Variants in PKD1L3 observed in about 807,000 individuals in gnomAD.
The protein encoded by PKD1L3 is polycystin 1 like 3, transient receptor potential channel interacting, also known as polycystin-1-like protein 3.
Under a neutral mutation model 184.1 loss-of-function variants are expected in PKD1L3, and 239 were observed. The observed-to-expected ratio is 1.30, with a 90% CI of 1.17 to 1.45. The LOEUF is 1.45. Ranked by LOEUF, PKD1L3 falls within the 40% of genes most tolerant of loss-of-function variation. PKD1L3 has a pLI of 0.00. For synonymous variants in PKD1L3, 996 were observed against 778.8 expected, an observed-to-expected ratio of 1.28 and a Z score of -4.64; for missense variants, 2,660 against 2,067.2, an observed-to-expected ratio of 1.29 and a Z score of -5.56.
At chr16:71,998,641 G>A (rs1285854433) in intron 1 of PKD1L3, among the ~76,000 whole-genome samples, 2 of 151,982 alleles carry the variant, frequency 1.3e-5, no homozygotes, top group Non-Finnish European at 2.9e-5. Context: ...AGTAGAGATG[G>A]GGTTTCACCA....
At chr16:71,999,139 C>T (rs936279444) in intron 1 of PKD1L3, among the ~76,000 whole-genome samples, 5 of 151,794 alleles carry the variant, frequency 3.3e-5, no homozygotes, top group African/African-American at 1.2e-4. Flanking sequence ...GGCGTGGTGG[C>T]GGCCACCTGT....
chr16:71,967,035 T>A, intron 15 of PKD1L3, 102 bp downstream of exon 15: 4 of 1,269,774 alleles, frequency 3.2e-6, no homozygotes, highest in Non-Finnish European at 4.3e-6. Context: ...CATTTGTTAC[T>A]ATTTGGCTCA....
Position 71,934,434 on chromosome 16 carries a change from G to C in PKD1L3, c.4614-309C>G, listed in dbSNP as rs557637658. 2.9e-3 allele frequency among the ~76,000 whole-genome samples: 439 copies of C among 152,264 alleles called. 2 individuals are homozygous for C. The highest frequency in any genetic ancestry group is 0.01 in the African/African-American group (420 of 41,554). ...TCCTGGGAAGCAAAACCAGCCTCCT[G>C]CACTGCTCTGAGCCAAATCTCTCCT... is the stretch of plus-strand genomic sequence containing the variant. On this transcript the variant is annotated intron_variant, in intron 26 of 29. Transcript: ENST00000620267.
At chr16:71,977,503 A>T (rs1258666486) in intron 10 of PKD1L3, 36 bp from the exon 11 acceptor site, 9 of 1,441,134 alleles carry the variant, frequency 6.2e-6, no homozygotes, top group Non-Finnish European at 7.6e-6. Flanking sequence ...ATAATGGTCC[A>T]TCCATTGATG....
At chr16:71,942,142 C>T (rs959985326) in intron 24 of PKD1L3, among the ~76,000 whole-genome samples, 3 of 151,476 alleles carry the variant, frequency 2.0e-5, no homozygotes, top group Admixed American at 2.0e-4. Flanking sequence ...TGGCGAAACC[C>T]CATAAAATAT....
At chr16:71,966,854 A>AT (rs1284220228) in intron 15 of PKD1L3, among the ~76,000 whole-genome samples, 1 of 152,146 alleles carries the variant, frequency 6.6e-6, no homozygotes, top group Non-Finnish European at 1.5e-5. Flanking sequence ...TTCAGGCAAT[A>AT]TTTCATTGGT....
intron 3 of PKD1L3, 69 bp from the exon 4 acceptor site, chr16:71,990,398 G>C (rs765945885): frequency 7.6e-7 from 1 of 1,311,824 alleles, no homozygotes; most frequent in African/African-American, 1.5e-5. Flanking sequence ...TTTACTTGAG[G>C]ACTTCTTATT....
At position 71,949,967 on chromosome 16, in the gene PKD1L3, AT is replaced by A. The variant is rs1228978011; in HGVS notation, c.3433del (p.Ile1145SerfsTer9). 6.4e-7 allele frequency: 1 copy of A among 1,551,606 alleles called. No homozygotes were observed. Among genetic ancestry groups the A allele is most frequent in the South Asian group, 1.2e-5 (1 of 84,056 alleles). On this transcript the variant is annotated frameshift_variant, in exon 21 of 30. Transcript: ENST00000620267. LOFTEE classifies it high-confidence loss of function. ...CAACCATTTGGACAGGCCATTTGAG[AT>A]GGGCTTTTTTCCTTCTTCTGAGCTC... ...ILSSEEGKKPISNGLSKWLTS... is the reference protein window; with the variant it reads ...ILSSEEGKKPXSNGLSKWLTS...
chr16:71,948,392 T>C (rs565051609), intron 21 of PKD1L3, among the ~76,000 whole-genome samples: 3 of 152,166 alleles, frequency 2.0e-5, no homozygotes, highest in Non-Finnish European at 4.4e-5. Context: ...CTGGGATTTT[T>C]GTATTCTTAA....
intron 6 of PKD1L3, among the ~76,000 whole-genome samples, chr16:71,983,481 A>G (rs570365013): frequency 2.0e-4 from 30 of 152,244 alleles, no homozygotes; most frequent in Admixed American, 1.8e-3. Context: ...TGCATCAGCA[A>G]GGCAGTACCA....
Position 71,929,626 on chromosome 16 carries a change from C to A in PKD1L3, c.5111G>T (p.Gly1704Val). ...TLLQKLSNLL[G>V]ISWPQKTSSE... ...TGAGGTTTTTTGGGGCCAACTGATT[C>A]CTAACAAATTTGAGAGCTTCTGTAG... Residue 1704 changes from glycine (G) to valine (V), a missense_variant, in exon 30 of 30, where the codon GGA becomes GTA. Coordinates refer to ENST00000620267, the MANE Select transcript of PKD1L3 (RefSeq NM_181536.2). 6.4e-7 allele frequency: 1 copy of A among 1,551,716 alleles called. No individual in the cohort carries two copies. Among genetic ancestry groups the A allele is most frequent in the Non-Finnish European group, 8.7e-7 (1 of 1,146,876 alleles).
intron 19 of PKD1L3, 38 bp from the exon 20 acceptor site, chr16:71,950,348 A>G (rs1369166767): frequency 6.8e-7 from 1 of 1,470,528 alleles, no homozygotes; most frequent in South Asian, 1.3e-5. Context: ...TCACAAGTGG[A>G]TTTCAATAAG....
rs143396221 is a variant in PKD1L3, at chr16:71,992,805, T to C, written c.535+411A>G. ...GATCTGTTTCACTTCTTTCTTTCAG[T>C]TGATCTCTATAACCACCCATCCACC... is the stretch of plus-strand genomic sequence containing the variant. On this transcript the variant is annotated intron_variant, in intron 3 of 29. Transcript: ENST00000620267. Among the ~76,000 whole-genome samples, 26 of 152,364 alleles carry C rather than the reference T, an allele frequency of 1.7e-4. No individual in the cohort carries two copies. The East Asian group carries it at 2.9e-3, about 17-fold the overall frequency.
intron 25 of PKD1L3, among the ~76,000 whole-genome samples, chr16:71,936,515 T>C (rs1458320957): frequency 7.0e-6 from 1 of 143,278 alleles, no homozygotes; most frequent in South Asian, 2.1e-4. Context: ...TCACTTTTTT[T>C]TTTCTTTTTT....
At chr16:71,975,950 T>G (rs2039902633) in intron 11 of PKD1L3, among the ~76,000 whole-genome samples, 1 of 99,624 alleles carries the variant, frequency 1.0e-5, no homozygotes, top group Non-Finnish European at 2.1e-5. Context: ...TACAAGCTGT[T>G]TCTGTTCTTT....
At chr16:71,936,650 G>T (rs886301848) in intron 25 of PKD1L3, among the ~76,000 whole-genome samples, 2 of 151,082 alleles carry the variant, frequency 1.3e-5, no homozygotes, top group East Asian at 3.9e-4. Flanking sequence ...ACCACGCCCG[G>T]CTAAATTTGT....
At position 71,979,829 on chromosome 16, in the gene PKD1L3, G is replaced by A; in HGVS notation, c.1355C>T (p.Ala452Val). Residue 452 changes from alanine to valine, a missense_variant, in exon 9 of 30, where the codon GCT (alanine) becomes GTT (valine). Transcript: ENST00000620267. Reference protein sequence around the residue: ...PVRLGFPSALALKELLNKHPG... With the variant: ...PVRLGFPSALVLKELLNKHPG... Reference sequence around the variant, plus strand: ...ATGTTTATTCAAGAGCTCCTTCAAAGCTAAAGCCGACGGAAAGCCTAGCCT... The same window carrying A: ...ATGTTTATTCAAGAGCTCCTTCAAAACTAAAGCCGACGGAAAGCCTAGCCT... 1 of 1,517,670 alleles carries A rather than the reference G, an allele frequency of 6.6e-7. No individual in the cohort carries two copies. The highest frequency in any genetic ancestry group is 8.8e-7 in the Non-Finnish European group (1 of 1,138,594). The allele number at this position is 1,517,670 out of a possible 1,614,324, so 94.0% of individuals were successfully genotyped here.
chr16:71,970,051 AG>A lies in PKD1L3; in HGVS notation c.2007del (p.Phe670SerfsTer13). 1 of 1,551,714 alleles carries A rather than the reference AG, an allele frequency of 6.4e-7. No individual in the cohort carries two copies. On this transcript the variant is annotated frameshift_variant, in exon 13 of 30. Coordinates refer to ENST00000620267, the MANE Select transcript of PKD1L3 (RefSeq NM_181536.2). LOFTEE classifies it high-confidence loss of function. ...LRTQCLCNHL[T>X]FFASDFFVVP... ...ACGACAAAGAAGTCGCTGGCAAAGA[AG>A]GTCAGGTGGTTACAGAGACACTGTG... is the stretch of plus-strand genomic sequence containing the variant.
intron 2 of PKD1L3, among the ~76,000 whole-genome samples, chr16:71,996,408 A>ATG (rs2040786748): frequency 1.3e-5 from 2 of 151,756 alleles, no homozygotes; most frequent in Non-Finnish European, 2.9e-5. Context: ...CTACAGGTGC[A>ATG]CACCACCACG....
Sources: allele counts gnomAD v4.1 joint callset (sites outside exome capture counted in the v4.1 genomes callset), GRCh38; gene constraint gnomAD v4.1.1; transcripts MANE v1.5; gene names NCBI Gene and HGNC (gene_info 2026-07-23, HGNC 2026-07-21).